Variants in RGS6 observed in about 807,000 individuals in gnomAD.
RGS6 encodes the protein regulator of G protein signaling 6.
Under a neutral mutation model 78.5 loss-of-function variants are expected in RGS6, and 30 were observed. The observed-to-expected ratio is 0.38, with a 90% CI of 0.29 to 0.52. The LOEUF (loss-of-function observed/expected upper bound fraction) is 0.52. RGS6 is among the 20% of genes least tolerant of loss of function. The probability of loss-of-function intolerance (pLI) is 0.85; values close to 1 mark genes in which losing one functional copy is unlikely to be tolerated. For missense variants in RGS6, 495 were observed against 609.7 expected (o/e 0.81, Z 1.98); for synonymous variants, 206 against 206.0 (o/e 1.00, Z 0.00).
the RGS6 span, among the ~76,000 whole-genome samples, chr14:72,604,626 C>G: frequency 6.6e-6 from 1 of 152,108 alleles, no homozygotes; most frequent in East Asian, 1.9e-4. Flanking sequence ...TGAACATGCA[C>G]CTCTGTGGAC....
In RGS6 at chr14:72,535,514, T is replaced by G. The variant is rs147447796; in HGVS notation, c.1279-672T>G. On this transcript the variant is annotated intron_variant, in intron 15 of 17. Coordinates refer to ENST00000553525, the MANE Select transcript of RGS6 (RefSeq NM_001204424.2). Reference sequence around the variant, plus strand: ...CTATAGTACCATATCACAGCCATGATACTGACATGGCTACAATCCCCTGAT... The same window carrying G: ...CTATAGTACCATATCACAGCCATGAGACTGACATGGCTACAATCCCCTGAT... Among the ~76,000 whole-genome samples the G allele has an allele frequency of 3.9e-3, 599 of 152,358 alleles. 9 individuals are homozygous for G. The highest frequency in any genetic ancestry group is 0.03 in the Admixed American group (458 of 15,304).
At chr14:72,489,708 A>G (rs988593786) in intron 12 of RGS6, among the ~76,000 whole-genome samples, 75 of 140,084 alleles carry the variant, frequency 5.4e-4, no homozygotes, top group African/African-American at 2.2e-3. Flanking sequence ...TGGAAGGAAA[A>G]GAAAGGAAAG....
At chr14:72,377,568 G>A (rs2085069950) in intron 3 of RGS6, among the ~76,000 whole-genome samples, 1 of 152,132 alleles carries the variant, frequency 6.6e-6, no homozygotes, top group African/African-American at 2.4e-5. Context: ...GACATTTACA[G>A]AATATTTCAC....
chr14:71,931,248 C>T (rs1374985946), upstream of RGS6, among the ~76,000 whole-genome samples: 1 of 151,820 alleles, frequency 6.6e-6, no homozygotes, highest in African/African-American at 2.4e-5. Flanking sequence ...TTGCAGGTTT[C>T]CCCCCACCCC....
At chr14:72,309,665 A>C (rs1429335963) in intron 2 of RGS6, among the ~76,000 whole-genome samples, 4 of 152,250 alleles carry the variant, frequency 2.6e-5, no homozygotes, top group African/African-American at 9.6e-5. Flanking sequence ...TAACACATGC[A>C]TTGAAAGCAG....
chr14:72,157,095 T>G (rs2096783599), intron 2 of RGS6, among the ~76,000 whole-genome samples: 1 of 152,216 alleles, frequency 6.6e-6, no homozygotes, highest in Non-Finnish European at 1.5e-5. Context: ...CCCAGGTTGA[T>G]CATACCCTTT....
At chr14:72,155,295 C>T (rs78633166) in intron 2 of RGS6, among the ~76,000 whole-genome samples, 2,151 of 152,278 alleles carry the variant, frequency 0.014, 43 homozygotes, top group African/African-American at 0.048. Flanking sequence ...CTGAGCTCTG[C>T]GGAGCAGAAC....
chr14:72,435,618 C>T (rs901254371), intron 3 of RGS6, among the ~76,000 whole-genome samples: 4 of 151,998 alleles, frequency 2.6e-5, no homozygotes, highest in African/African-American at 9.7e-5. Context: ...AGGTGTATTC[C>T]TCCTGGAAGT....
At chr14:72,014,600 T>A (rs185476174) in intron 2 of RGS6, among the ~76,000 whole-genome samples, 1 of 152,198 alleles carries the variant, frequency 6.6e-6, no homozygotes, top group African/African-American at 2.4e-5. Context: ...TCATGAGACT[T>A]GAGCATTTGT....
chr14:72,587,377 G>A, the RGS6 span, among the ~76,000 whole-genome samples: 2 of 151,992 alleles, frequency 1.3e-5, no homozygotes, highest in Non-Finnish European at 2.9e-5. Flanking sequence ...TGTTGCTGGG[G>A]GAAGCTGTGA....
chr14:72,544,152 G>A (rs2153517320), intron 17 of RGS6, among the ~76,000 whole-genome samples: 1 of 152,314 alleles, frequency 6.6e-6, no homozygotes, highest in Non-Finnish European at 1.5e-5. Flanking sequence ...GCGTGGGAGG[G>A]AGAGGGGGCA....
At chr14:72,353,174 C>T (rs926704623) in intron 3 of RGS6, among the ~76,000 whole-genome samples, 5 of 152,160 alleles carry the variant, frequency 3.3e-5, no homozygotes, top group Non-Finnish European at 7.4e-5. Context: ...ACCATATGAA[C>T]CAGCAATCCC....
chr14:72,216,123 A>C (rs934235056), intron 2 of RGS6, among the ~76,000 whole-genome samples: 2 of 152,224 alleles, frequency 1.3e-5, no homozygotes. Context: ...TATATGTTTC[A>C]CCTTATTCTG....
At chr14:72,536,085 C>G in intron 15 of RGS6, 101 bp from the exon 16 acceptor site, 141 of 854,208 alleles carry the variant, frequency 1.7e-4, no homozygotes, top group Non-Finnish European at 2.5e-4. Context: ...TACCTAGGTT[C>G]CTTCATCTCC....
chr14:72,260,658 G>T (rs1014733385), intron 2 of RGS6, among the ~76,000 whole-genome samples: 2 of 152,184 alleles, frequency 1.3e-5, no homozygotes, highest in Non-Finnish European at 2.9e-5. Flanking sequence ...AGAGATAGGG[G>T]TTATGGCAAC....
intron 2 of RGS6, among the ~76,000 whole-genome samples, chr14:72,184,396 A>ACACC (rs2097211961): frequency 6.6e-6 from 1 of 151,798 alleles, no homozygotes; most frequent in African/African-American, 2.4e-5. Flanking sequence ...ACACACACAC[A>ACACC]CACACACACA....
chr14:72,239,317 C>G (rs1272858415), intron 2 of RGS6, among the ~76,000 whole-genome samples: 1 of 152,056 alleles, frequency 6.6e-6, no homozygotes, highest in Non-Finnish European at 1.5e-5. Flanking sequence ...GGTGGTGTGC[C>G]CCTGGAAGTC....
intron 3 of RGS6, among the ~76,000 whole-genome samples, chr14:72,407,089 T>C (rs755677843): frequency 1.2e-4 from 19 of 152,260 alleles, no homozygotes; most frequent in Non-Finnish European, 1.0e-4. Flanking sequence ...ATTAATTACA[T>C]TGGTTTGTAA....
intron 2 of RGS6, among the ~76,000 whole-genome samples, chr14:72,211,967 G>A (rs184561914): frequency 2.6e-4 from 39 of 152,310 alleles, no homozygotes; most frequent in Admixed American, 1.4e-3. Flanking sequence ...GCCATAACCT[G>A]AGAGAGGTGA....
Sources: allele counts gnomAD v4.1 joint callset (sites outside exome capture counted in the v4.1 genomes callset), GRCh38; gene constraint gnomAD v4.1.1; transcripts MANE v1.5; gene names NCBI Gene and HGNC (gene_info 2026-07-23, HGNC 2026-07-21).